Variants in CPM observed in about 807,000 individuals in gnomAD.
CPM encodes carboxypeptidase M, also known as renal carboxypeptidase.
CPM carries 35 observed loss-of-function variants against 46.4 expected under a neutral mutation model. The observed-to-expected ratio is 0.75, with a 90% CI of 0.58 to 1.00. CPM has a LOEUF of 1.00. CPM is among the 50% of genes least tolerant of loss of function. The pLI is 0.00. For synonymous variants in CPM, 195 were observed against 195.3 expected (o/e 1.00, Z 0.01); for missense variants, 422 against 530.4 (o/e 0.80, Z 2.01).
chr12:68,860,368 G>A (rs958979060), intron 7 of CPM, among the ~76,000 whole-genome samples: 6 of 151,990 alleles, frequency 3.9e-5, no homozygotes, highest in African/African-American at 1.5e-4. Flanking sequence ...TGATGTTTAG[G>A]TAGTACCCAA....
At chr12:68,878,891 C>T (rs1444032351) in intron 3 of CPM, among the ~76,000 whole-genome samples, 1 of 152,176 alleles carries the variant, frequency 6.6e-6, no homozygotes, top group Non-Finnish European at 1.5e-5. Flanking sequence ...CCCAAAAAAG[C>T]AGAATTGCAA....
At chr12:68,872,355 C>T (rs1215262400) in intron 3 of CPM, among the ~76,000 whole-genome samples, 2 of 148,320 alleles carry the variant, frequency 1.3e-5, no homozygotes, top group Non-Finnish European at 1.5e-5. Flanking sequence ...TGGGTTCAAG[C>T]GATTCTCTTG....
At chr12:68,904,636 G>A (rs995831718) in intron 2 of CPM, among the ~76,000 whole-genome samples, 5 of 152,120 alleles carry the variant, frequency 3.3e-5, no homozygotes, top group African/African-American at 1.2e-4. Context: ...AGAATTAGAT[G>A]AGCTCTTGAA....
intron 2 of CPM, among the ~76,000 whole-genome samples, chr12:68,915,090 C>G (rs1887751560): frequency 6.6e-6 from 1 of 152,074 alleles, no homozygotes; most frequent in African/African-American, 2.4e-5. Flanking sequence ...TTCCCAAGGA[C>G]AGCGAACAGA....
intron 2 of CPM, among the ~76,000 whole-genome samples, chr12:68,897,474 C>A (rs1565786265): frequency 1.3e-5 from 2 of 152,020 alleles, no homozygotes; most frequent in African/African-American, 2.4e-5. Context: ...CCTTAAAGTA[C>A]AAATGAATAC....
At chr12:68,872,088 CTCTT>C in intron 3 of CPM, 132 bp from the exon 4 acceptor site, 1 of 902,148 alleles carries the variant, frequency 1.1e-6, no homozygotes, top group South Asian at 1.7e-5. Context: ...TGTAAGATCA[CTCTT>C]TCTCAAGCAT....
intron 2 of CPM, among the ~76,000 whole-genome samples, chr12:68,911,195 C>T (rs1320179053): frequency 2.0e-5 from 3 of 152,188 alleles, no homozygotes; most frequent in Non-Finnish European, 1.5e-5. Context: ...GTTCAGGTTT[C>T]CTAATCTGGA....
At chr12:68,927,746 T>A (rs1457772994) in intron 2 of CPM, among the ~76,000 whole-genome samples, 2 of 152,270 alleles carry the variant, frequency 1.3e-5, no homozygotes, top group South Asian at 4.1e-4. Context: ...GAGAGCCAAA[T>A]CATGAGTGAA....
At chr12:68,863,398 A>T (rs895608179) in intron 7 of CPM, among the ~76,000 whole-genome samples, 8 of 152,070 alleles carry the variant, frequency 5.3e-5, no homozygotes, top group Non-Finnish European at 1.2e-4. Context: ...TAGAATTCAG[A>T]CTTGCCCTCC....
At chr12:68,904,249 A>C (rs144412634) in intron 2 of CPM, among the ~76,000 whole-genome samples, 1 of 152,300 alleles carries the variant, frequency 6.6e-6, no homozygotes, top group East Asian at 1.9e-4. Context: ...GAAAGTCCAA[A>C]TAATTACAAG....
At position 68,871,775 on chromosome 12, in the gene CPM, CCT is replaced by C. The variant is rs1289973754; in HGVS notation, c.431+7_431+8del. ...GTTTTCAAGTAAAGATAGACCAGCC[CCT>C]CTTTACCTTCCGATGCTGTAATAAC... On this transcript the variant is annotated splice_region_variant and intron_variant, in intron 4 of 8. Transcript: ENST00000551568. 1 of 1,613,960 alleles carries C rather than the reference CCT, an allele frequency of 6.2e-7. No individual in the cohort carries two copies.
chr12:68,922,221 C>T (rs898711993), intron 2 of CPM, among the ~76,000 whole-genome samples: 19 of 152,132 alleles, frequency 1.2e-4, no homozygotes, highest in Non-Finnish European at 2.2e-4. Flanking sequence ...AACATTTATT[C>T]GTGCTCTAAA....
rs55947127 is a variant in CPM at position 68,852,556 on chromosome 12, CTTTTTTT to C, written c.*3874_*3880del. ...TGCCTTTTTTCTTTCTTTCTTTTTT[CTTTTTTT>C]TTTTTTGAGACAGAGGTTCGCTCTG... is the stretch of plus-strand genomic sequence containing the variant. On this transcript the variant is annotated 3_prime_UTR_variant, in exon 9 of 9. Transcript: ENST00000551568. 2 of 140,710 alleles carry C rather than the reference CTTTTTTT, an allele frequency of 1.4e-5. No homozygotes were observed. Among genetic ancestry groups the C allele is most frequent in the African/African-American group, 2.7e-5 (1 of 37,104 alleles). 8.7% of individuals were successfully genotyped at this position (140,710 alleles called of 1,614,324 possible).
chr12:68,889,366 A>G (rs1209720450), intron 2 of CPM, among the ~76,000 whole-genome samples: 2 of 152,210 alleles, frequency 1.3e-5, no homozygotes, highest in Non-Finnish European at 2.9e-5. Context: ...TCCAATGATA[A>G]GGAATTTTAT....
chr12:68,947,487 C>T (rs1888866281), intron 1 of CPM, among the ~76,000 whole-genome samples: 1 of 151,906 alleles, frequency 6.6e-6, no homozygotes. Context: ...ATCCCAGCTA[C>T]TCAGGAGGCT....
intron 2 of CPM, among the ~76,000 whole-genome samples, chr12:68,923,388 G>A (rs556042069): frequency 3.9e-5 from 6 of 152,088 alleles, no homozygotes; most frequent in South Asian, 2.1e-4. Flanking sequence ...CAGTGTTACC[G>A]TCAGATACAC....
chr12:68,912,156 C>T (rs1193620650), intron 2 of CPM, among the ~76,000 whole-genome samples: 11 of 152,210 alleles, frequency 7.2e-5, no homozygotes, highest in African/African-American at 2.2e-4. Flanking sequence ...TACAGGCATG[C>T]GCCAACACAC....
rs568577606 is a variant in CPM, at chr12:68,927,994, T to G, written c.160+4684A>C. ...CCATCCCCATCAAGCCACCAATGAC[T>G]TTCTTCACAGAATTGGAAAAAACTA... On this transcript the variant is annotated intron_variant, in intron 2 of 8. Coordinates refer to ENST00000551568, the MANE Select transcript of CPM (RefSeq NM_198320.5). Among the ~76,000 whole-genome samples the G allele has an allele frequency of 1.8e-3, 268 of 152,274 alleles. 2 individuals are homozygous for G. Among genetic ancestry groups the G allele is most frequent in the African/African-American group, 6.0e-3 (249 of 41,526 alleles).
chr12:68,915,693 C>T (rs1055583792), intron 2 of CPM, among the ~76,000 whole-genome samples: 1 of 152,210 alleles, frequency 6.6e-6, no homozygotes, highest in Non-Finnish European at 1.5e-5. Context: ...AGGGAAAGAC[C>T]TGGGTCTGTT....
Sources: allele counts gnomAD v4.1 joint callset (sites outside exome capture counted in the v4.1 genomes callset), GRCh38; gene constraint gnomAD v4.1.1; transcripts MANE v1.5; gene names NCBI Gene and HGNC (gene_info 2026-07-23, HGNC 2026-07-21).